Variants in PLEKHG7 observed in about 807,000 individuals in gnomAD.
PLEKHG7 encodes the protein pleckstrin homology and RhoGEF domain containing G7, also known as pleckstrin homology domain-containing family G member 7.
In PLEKHG7, 77 loss-of-function variants were observed where a neutral mutation model predicts 85.2. That is an observed-to-expected ratio of 0.90 (90% confidence interval 0.75 to 1.09). The LOEUF (loss-of-function observed/expected upper bound fraction) is 1.09, where lower values mean the gene tolerates loss of function less well. PLEKHG7 is among the 50% of genes least tolerant of loss of function. PLEKHG7 has a pLI of 0.00. For missense variants in PLEKHG7, 777 were observed against 804.3 expected (o/e 0.97, Z 0.41); for synonymous variants, 301 against 302.4 (o/e 1.00, Z 0.05).
At chr12:92,715,396 T>C (rs554997368) in intron 3 of PLEKHG7, among the ~76,000 whole-genome samples, 2 of 152,302 alleles carry the variant, frequency 1.3e-5, no homozygotes, top group South Asian at 4.1e-4. Context: ...CCAGGATCAA[T>C]ACTTTGCATC....
intron 9 of PLEKHG7, among the ~76,000 whole-genome samples, chr12:92,745,116 C>G (rs1366927222): frequency 6.6e-6 from 1 of 152,196 alleles, no homozygotes; most frequent in East Asian, 1.9e-4. Flanking sequence ...TCACCCAAAT[C>G]AAAGGCAGTA....
chr12:92,769,192 G>A (rs1423511550), intron 16 of PLEKHG7, 112 bp downstream of exon 16: 7 of 754,938 alleles, frequency 9.3e-6, no homozygotes, highest in African/African-American at 1.8e-5. Context: ...TCACCCACTT[G>A]GGAAGGGCAG....
chr12:92,748,217 A>G (rs1413072103), intron 10 of PLEKHG7, among the ~76,000 whole-genome samples: 3 of 151,522 alleles, frequency 2.0e-5, no homozygotes, highest in African/African-American at 4.8e-5. Context: ...TGGGAAAGGT[A>G]GTAGAGGATA....
In PLEKHG7 at chr12:92,706,535, C is replaced by T. The variant is rs1871231387; in HGVS notation, c.-97C>T. The T allele has an allele frequency of 7.0e-7, 1 of 1,426,660 alleles. No individual in the cohort carries two copies. 88.4% of individuals were successfully genotyped at this position (1,426,660 alleles called of 1,614,324 possible). A position where few individuals can be genotyped will look rare whatever the true frequency, so the allele number is the denominator to read the frequency against. Reference sequence around the variant, plus strand: ...AAGAACTACGAGAGGAAGCATGGCACTTGGATGCAGAAATTGAGCACCCTC... The same window carrying T: ...AAGAACTACGAGAGGAAGCATGGCATTTGGATGCAGAAATTGAGCACCCTC... On this transcript the variant is annotated 5_prime_UTR_variant, in exon 2 of 17. Transcript: ENST00000344636.
chr12:92,725,389 G>A (rs1367230093), intron 3 of PLEKHG7, among the ~76,000 whole-genome samples: 1 of 152,098 alleles, frequency 6.6e-6, no homozygotes, highest in Non-Finnish European at 1.5e-5. Flanking sequence ...AAGCCAGGGA[G>A]GGAAGGTTCA....
chr12:92,703,453 A>G (rs958803087), intron 1 of PLEKHG7, among the ~76,000 whole-genome samples: 1 of 152,236 alleles, frequency 6.6e-6, no homozygotes, highest in Non-Finnish European at 1.5e-5. Flanking sequence ...ATTCTACCAG[A>G]TCCACTGGGT....
rs141539791 is a variant in PLEKHG7, at chr12:92,709,276, A to C, written c.530+1604A>C. 1.6e-4 allele frequency among the ~76,000 whole-genome samples: 25 copies of C among 152,362 alleles called. No homozygotes were observed. The East Asian group carries it at 4.6e-3, about 28-fold the overall frequency. On this transcript the variant is annotated intron_variant, in intron 3 of 16. Coordinates refer to ENST00000344636, the MANE Select transcript of PLEKHG7 (RefSeq NM_001377329.1). ...ATATTTAGGAGATACAATCCCCCAG[A>C]CTTTGTGAATGGTAGCCTATCAGGG... is the stretch of plus-strand genomic sequence containing the variant.
At chr12:92,737,246 C>A (rs373166429) in intron 6 of PLEKHG7, 132 bp from the exon 7 acceptor site, 7 of 775,384 alleles carry the variant, frequency 9.0e-6, no homozygotes. Flanking sequence ...GAGGGATGCC[C>A]AGGGTCTGAA....
chr12:92,730,490 A>T (rs1050214436), intron 4 of PLEKHG7, among the ~76,000 whole-genome samples: 1 of 152,242 alleles, frequency 6.6e-6, no homozygotes, highest in Admixed American at 6.5e-5. Flanking sequence ...GGTGGTGTCC[A>T]GCAGTCTGTT....
At chr12:92,705,303 A>G (rs1406164956) in intron 1 of PLEKHG7, among the ~76,000 whole-genome samples, 1 of 152,188 alleles carries the variant, frequency 6.6e-6, no homozygotes, top group Non-Finnish European at 1.5e-5. Flanking sequence ...CAACAGAATG[A>G]GGTCAGGTTA....
At chr12:92,732,403 G>A (rs2136594782) in intron 5 of PLEKHG7, 130 bp downstream of exon 5, 1 of 514,028 alleles carries the variant, frequency 1.9e-6, no homozygotes, top group South Asian at 1.1e-4. Context: ...AAATATAAAT[G>A]ATATCATCAC....
At chr12:92,765,674 C>G (rs1208971525) in intron 15 of PLEKHG7, among the ~76,000 whole-genome samples, 1 of 151,574 alleles carries the variant, frequency 6.6e-6, no homozygotes, top group Non-Finnish European at 1.5e-5. Context: ...CACACTTGTA[C>G]TCCCAGCTAC....
chr12:92,723,209 T>C (rs757131341), intron 3 of PLEKHG7, among the ~76,000 whole-genome samples: 6 of 152,126 alleles, frequency 3.9e-5, no homozygotes, highest in Non-Finnish European at 8.8e-5. Context: ...ATGGCAATGA[T>C]CAATCACTCT....
At position 92,737,339 on chromosome 12, in the gene PLEKHG7, G is replaced by T. The variant is rs1436018250; in HGVS notation, c.796-39G>T. On this transcript the variant is annotated intron_variant, in intron 6 of 16. Coordinates refer to ENST00000344636, the MANE Select transcript of PLEKHG7 (RefSeq NM_001377329.1). ...ATAGCCAACAGGTCAATCCACTGAG[G>T]TGGAAATGTTTTGTTCTCTCTTTTT... 2.2e-6 allele frequency: 3 copies of T among 1,376,468 alleles called. No individual in the cohort carries two copies. In the South Asian group the frequency reaches 6.4e-5, roughly 29 times the overall value. 85.3% of individuals were successfully genotyped at this position (1,376,468 alleles called of 1,614,324 possible).
chr12:92,750,614 G>A (rs1200268023), intron 10 of PLEKHG7, among the ~76,000 whole-genome samples: 1 of 152,176 alleles, frequency 6.6e-6, no homozygotes, highest in Non-Finnish European at 1.5e-5. Flanking sequence ...CCTAACTGCT[G>A]CTGAGAAATC....
At position 92,718,748 on chromosome 12, in the gene PLEKHG7, A is replaced by C. The variant is rs369386624; in HGVS notation, c.531-10245A>C. On this transcript the variant is annotated intron_variant, in intron 3 of 16. Transcript: ENST00000344636. The stretch of plus-strand genomic sequence containing the variant: ...TGTACAAATATTGCTTAATCCCACA[A>C]GGGAGTATGTTGAGTGTTTTCCATA... Among the ~76,000 whole-genome samples, 4 of 152,312 alleles carry C rather than the reference A, an allele frequency of 2.6e-5. No homozygotes were observed. The East Asian group carries it at 5.8e-4, about 22-fold the overall frequency.
At chr12:92,721,617 G>T in intron 3 of PLEKHG7, 1 of 923,984 alleles carries the variant, frequency 1.1e-6, no homozygotes, top group Non-Finnish European at 1.3e-6. Context: ...GAGCTGCAAA[G>T]TCTGGGTCAG....
chr12:92,738,345 G>T (rs536447847), intron 7 of PLEKHG7, among the ~76,000 whole-genome samples: 1 of 152,288 alleles, frequency 6.6e-6, no homozygotes, highest in South Asian at 2.1e-4. Flanking sequence ...GGTTGCCTCT[G>T]CCCACCGCAC....
At chr12:92,763,405 T>C (rs1296320486) in intron 14 of PLEKHG7, among the ~76,000 whole-genome samples, 2 of 152,136 alleles carry the variant, frequency 1.3e-5, no homozygotes, top group African/African-American at 2.4e-5. Flanking sequence ...CTCAATACTA[T>C]AGAGAGATTA....
Sources: allele counts gnomAD v4.1 joint callset (sites outside exome capture counted in the v4.1 genomes callset), GRCh38; gene constraint gnomAD v4.1.1; transcripts MANE v1.5; gene names NCBI Gene and HGNC (gene_info 2026-07-23, HGNC 2026-07-21).